Variants in BSDC1 observed in about 807,000 individuals in gnomAD.
BSDC1 encodes the protein BSD domain-containing protein 1.
BSDC1 carries 29 observed loss-of-function variants against 56.0 expected under a neutral mutation model. The ratio of observed to expected loss-of-function variants is 0.52; its 90% CI spans 0.39 to 0.71. The LOEUF (loss-of-function observed/expected upper bound fraction) is 0.71. Among genes scored for constraint, BSDC1 ranks in the 30% least tolerant of loss-of-function variants. The pLI is 0.00. For synonymous variants in BSDC1, 210 were observed against 215.3 expected (o/e 0.98, Z 0.21); for missense variants, 477 against 548.5 (o/e 0.87, Z 1.30).
intron 9 of BSDC1, among the ~76,000 whole-genome samples, chr1:32,371,721 C>T (rs1414812613): frequency 6.6e-6 from 1 of 152,028 alleles, no homozygotes; most frequent in African/African-American, 2.4e-5. Flanking sequence ...CACCAGATGC[C>T]TCCGCGCTGA....
chr1:32,377,928 C>A (rs771617822), intron 8 of BSDC1, 42 bp downstream of exon 8: 2 of 1,577,152 alleles, frequency 1.3e-6, no homozygotes, highest in Admixed American at 3.5e-5. Flanking sequence ...GAGCGTCCCG[C>A]ACAGATGTGA....
chr1:32,378,001 G>C lies in BSDC1; in HGVS notation c.645C>G (p.Ile215Met). 1.2e-6 allele frequency: 2 copies of C among 1,613,570 alleles called. No homozygotes were observed. Among genetic ancestry groups the C allele is most frequent in the Non-Finnish European group, 1.7e-6 (2 of 1,179,740 alleles). The change falls in exon 8 of 11, where the codon ATC (isoleucine) becomes ATG (methionine). Residue 215 changes from isoleucine to methionine, a missense_variant. Ile to Met is a conservative substitution (Grantham distance 10). Transcript: ENST00000455895. The surrounding 1 kb of genome is among the most constrained non-coding windows in gnomAD (Gnocchi z 5.2). ...DALKQRAEQS[I>M]SEEPGWEEEE... ...CCTCCTCCCAGCCGGGCTCTTCAGA[G>C]ATGCTCTGTTCCGCCCGCTGCTTCA... is the stretch of plus-strand genomic sequence containing the variant.
chr1:32,376,386 G>T lies in BSDC1; in HGVS notation c.1032C>A (p.Gly344=), dbSNP rs542990623. 5.6e-6 allele frequency: 9 copies of T among 1,613,596 alleles called. No individual in the cohort carries two copies. In the South Asian group the frequency reaches 7.7e-5, roughly 14 times the overall value. Residue 344 remains glycine (G), a synonymous_variant, in exon 9 of 11, where the codon GGC becomes GGA. Transcript: ENST00000455895. ...SKPLTPAGHT[G]GPEPRPPARV... ...TGGCTGGAGGCCTGGGCTCTGGGCC[G>T]CCGGTGTGGCCAGCAGGCGTTAGGG... is the stretch of plus-strand genomic sequence containing the variant.
intron 4 of BSDC1, among the ~76,000 whole-genome samples, 177 bp from the exon 5 acceptor site, chr1:32,381,445 C>T (rs1642475311): frequency 6.6e-6 from 1 of 152,206 alleles, no homozygotes. Flanking sequence ...CTAGGCTAGG[C>T]ATCCAAAACT....
chr1:32,372,805 G>A (rs1297568064), intron 9 of BSDC1, among the ~76,000 whole-genome samples: 2 of 152,058 alleles, frequency 1.3e-5, no homozygotes, highest in Non-Finnish European at 2.9e-5. Context: ...CTGTTTAATC[G>A]GCTCTCTGCT....
chr1:32,376,409 G>A lies in BSDC1; in HGVS notation c.1009C>T (p.Leu337=). 1 of 1,613,654 alleles carries A rather than the reference G, an allele frequency of 6.2e-7. No homozygotes were observed. The highest frequency in any genetic ancestry group is 2.2e-5 in the East Asian group (1 of 44,874). The part of the protein sequence containing the change: ...GPSPPIHSKP[L]TPAGHTGGPE... ...CCGCCGGTGTGGCCAGCAGGCGTTAGGGGCTTGGAGTGAATAGGGGGTGAG... is the reference window on the plus strand; with the variant it reads ...CCGCCGGTGTGGCCAGCAGGCGTTAAGGGCTTGGAGTGAATAGGGGGTGAG... The change falls in exon 9 of 11, where the codon CTA becomes TTA. Residue 337 remains leucine, a synonymous_variant. Coordinates refer to ENST00000455895, the MANE Select transcript of BSDC1 (RefSeq NM_018045.8).
At chr1:32,374,497 T>C (rs1416692573) in intron 9 of BSDC1, among the ~76,000 whole-genome samples, 2 of 152,222 alleles carry the variant, frequency 1.3e-5, no homozygotes, top group Non-Finnish European at 2.9e-5. Flanking sequence ...TGAATCCAGC[T>C]TAAGGTTTTA....
In BSDC1 at chr1:32,378,861, C is replaced by T. The variant is rs766959428; in HGVS notation, c.413-22G>A. ...GGCCCTGCAGAGGGACAGATGCTGA[C>T]GGTCAGTTGCCTTGGTCTGGGAAAA... On this transcript the variant is annotated intron_variant, in intron 5 of 10. Coordinates refer to ENST00000455895, the MANE Select transcript of BSDC1 (RefSeq NM_018045.8). This position sits in a 1 kb window ranked among gnomAD's most constrained non-coding sequence, Gnocchi z 5.2. 10 of 1,433,102 alleles carry T rather than the reference C, an allele frequency of 7.0e-6. No homozygotes were observed. Among genetic ancestry groups the T allele is most frequent in the Admixed American group, 5.4e-5 (2 of 36,904 alleles). 88.8% of individuals were successfully genotyped at this position (1,433,102 alleles called of 1,614,324 possible).
chr1:32,368,614 G>A (rs1429586751), intron 9 of BSDC1, 64 bp from the exon 10 acceptor site: 9 of 1,603,698 alleles, frequency 5.6e-6, no homozygotes, highest in African/African-American at 1.3e-5. Context: ...TGAAGAGGGT[G>A]TAGCTGGGGA....
chr1:32,385,996 T>C (rs1297235987), intron 3 of BSDC1, among the ~76,000 whole-genome samples: 2 of 152,054 alleles, frequency 1.3e-5, no homozygotes, highest in African/African-American at 2.4e-5. Flanking sequence ...TGCCACTTAC[T>C]ACACTCTAGA....
intron 9 of BSDC1, among the ~76,000 whole-genome samples, chr1:32,370,030 T>A (rs1642014832): frequency 6.6e-6 from 1 of 152,240 alleles, no homozygotes. Context: ...CAGGCTGGAG[T>A]GCAGTGGCGC....
chr1:32,386,669 A>G (rs957909757), intron 3 of BSDC1, 110 bp downstream of exon 3: 9 of 647,014 alleles, frequency 1.4e-5, no homozygotes, highest in African/African-American at 1.1e-4. Context: ...AGTAATCCAC[A>G]TATTTTTCCC....
chr1:32,381,389 C>G, intron 4 of BSDC1, 121 bp from the exon 5 acceptor site: 2 of 952,344 alleles, frequency 2.1e-6, no homozygotes, highest in South Asian at 2.9e-5. Context: ...GCTGGGATAC[C>G]CCCAGGGCAT....
intron 2 of BSDC1, chr1:32,393,465 TCCTTCTCCACAGGGG>T (rs1642936907): frequency 6.6e-6 from 1 of 152,602 alleles, no homozygotes; most frequent in Admixed American, 6.5e-5. Context: ...TTGATGAGGT[TCCTTCTCCACAGGGG>T]CCTTCCCTGG....
chr1:32,387,444 C>A (rs1389158603), intron 2 of BSDC1, among the ~76,000 whole-genome samples: 1 of 151,902 alleles, frequency 6.6e-6, no homozygotes, highest in Non-Finnish European at 1.5e-5. Context: ...CGGGTTCAAG[C>A]GATTTTCGTG....
Position 32,394,411 on chromosome 1 carries a change from C to T in BSDC1, c.4G>A (p.Ala2Thr). The change falls in exon 1 of 11, where the codon GCG becomes ACG. Residue 2 changes from alanine to threonine, a missense_variant. Coordinates refer to ENST00000455895, the MANE Select transcript of BSDC1 (RefSeq NM_018045.8). ...GCAAAACGACAAGCTCACCCTTCCG[C>T]CATCTTGCCTGCATGACATCACCAC... is the stretch of plus-strand genomic sequence containing the variant. M[A>T]EGEDVGWWRS... is the part of the protein sequence containing the mutation. 1 of 1,614,188 alleles carries T rather than the reference C, an allele frequency of 6.2e-7. No individual in the cohort carries two copies. Among genetic ancestry groups the T allele is most frequent in the Non-Finnish European group, 8.5e-7 (1 of 1,180,032 alleles).
At chr1:32,367,674 A>G in intron 10 of BSDC1, 1 of 985,626 alleles carries the variant, frequency 1.0e-6, no homozygotes, top group African/African-American at 1.7e-5. Flanking sequence ...AATCTAAATG[A>G]GCCACTTTTG....
rs1641837704 is a variant in BSDC1 at position 32,366,059 on chromosome 1, A to T, written c.*563T>A. 1 of 167,606 alleles carries T rather than the reference A, an allele frequency of 6.0e-6. No homozygotes were observed. The highest frequency in any genetic ancestry group is 6.0e-5 in the Admixed American group (1 of 16,534). 10.4% of individuals were successfully genotyped at this position (167,606 alleles called of 1,614,324 possible). Reference sequence around the variant, plus strand: ...GAACCCCAAAGGAGCCTTTCCAGGAATGGAAAATGCCTGGGAGGGGGAGAG... The same window carrying T: ...GAACCCCAAAGGAGCCTTTCCAGGATTGGAAAATGCCTGGGAGGGGGAGAG... On this transcript the variant is annotated 3_prime_UTR_variant, in exon 11 of 11. Transcript: ENST00000455895.
intron 9 of BSDC1, among the ~76,000 whole-genome samples, chr1:32,371,237 G>A (rs1023009803): frequency 6.6e-6 from 1 of 151,564 alleles, no homozygotes; most frequent in South Asian, 2.1e-4. Flanking sequence ...TTATCTCTAG[G>A]TGATGAGTTC....
Sources: gnomAD v4.1 joint callset for allele counts (sites outside exome capture counted in the v4.1 genomes callset) on GRCh38, gnomAD v4.1.1 for gene constraint, Gnocchi (gnomAD v3.1) non-coding constraint, MANE v1.5 for transcripts, NCBI Gene and HGNC (gene_info 2026-07-23, HGNC 2026-07-21) for gene names.